The following SGIP1 variants were observed in gnomAD, a reference collection of about 807,000 sequenced individuals.
SGIP1 encodes SH3-containing GRB2-like protein 3-interacting protein 1.
In SGIP1, 38 loss-of-function variants were observed where a neutral mutation model predicts 107.5. That is an observed-to-expected ratio of 0.35 (90% CI 0.27 to 0.46). The LOEUF (loss-of-function observed/expected upper bound fraction) is 0.46. Among genes scored for constraint, SGIP1 ranks in the 20% least tolerant of loss-of-function variants. The pLI is 1.00. For synonymous variants in SGIP1, 365 were observed against 366.1 expected, an observed-to-expected ratio of 1.00 and a Z score of 0.03; for missense variants, 929 against 1,019.5, an observed-to-expected ratio of 0.91 and a Z score of 1.21.
At chr1:66,703,696 T>C (rs1324399461) in intron 18 of SGIP1, among the ~76,000 whole-genome samples, 1 of 151,136 alleles carries the variant, frequency 6.6e-6, no homozygotes, top group Non-Finnish European at 1.5e-5. Flanking sequence ...ATCACATTTA[T>C]ATATGATCTA....
rs75456901 is a variant in SGIP1, at chr1:66,688,385, C to T, written c.1316-763C>T. 9.6e-3 allele frequency among the ~76,000 whole-genome samples: 1,469 copies of T among 152,304 alleles called. 22 individuals carry two copies. The highest frequency in any genetic ancestry group is 0.034 in the African/African-American group (1,400 of 41,556). Reference sequence around the variant, plus strand: ...TGTGCTGACTGATGTGCATGCCAGCCTCTGTGTGTCTTCTGTGTTTCATAC... The same window carrying T: ...TGTGCTGACTGATGTGCATGCCAGCTTCTGTGTGTCTTCTGTGTTTCATAC... On this transcript the variant is annotated intron_variant, in intron 15 of 24. Transcript: ENST00000371037.
chr1:66,670,880 C>A, intron 9 of SGIP1, 115 bp from the exon 10 acceptor site: 1 of 485,896 alleles, frequency 2.1e-6, no homozygotes, highest in Non-Finnish European at 3.6e-6. Flanking sequence ...AGAAAAAGTT[C>A]ATTTCCCTAT....
intron 1 of SGIP1, among the ~76,000 whole-genome samples, chr1:66,616,633 G>A (rs930749115): frequency 1.3e-5 from 2 of 152,144 alleles, no homozygotes; most frequent in East Asian, 3.8e-4. Flanking sequence ...ATGGATCTTT[G>A]TACAGTTCTT....
chr1:66,643,213 G>A (rs974401608), intron 6 of SGIP1, among the ~76,000 whole-genome samples: 4 of 152,122 alleles, frequency 2.6e-5, no homozygotes, highest in Admixed American at 1.3e-4. Flanking sequence ...AAAACTCATC[G>A]AGGATCATTC....
intron 17 of SGIP1, among the ~76,000 whole-genome samples, chr1:66,693,411 T>C (rs1295964810): frequency 6.6e-6 from 1 of 152,138 alleles, no homozygotes; most frequent in Non-Finnish European, 1.5e-5. Flanking sequence ...AACAAGCACC[T>C]TGACATTTCA....
At position 66,671,026 on chromosome 1, in the gene SGIP1, A is replaced by T; in HGVS notation, c.508+7A>T. On this transcript the variant is annotated splice_region_variant and intron_variant, in intron 10 of 24. Transcript: ENST00000371037. Reference sequence around the variant, plus strand: ...ATTAAAAGGAACTTATCCAGTAAGTATATCTTAGCTACCAGAAATAGTGTA... The same window carrying T: ...ATTAAAAGGAACTTATCCAGTAAGTTTATCTTAGCTACCAGAAATAGTGTA... The T allele has an allele frequency of 7.3e-7, 1 of 1,368,658 alleles. No homozygotes were observed. Among genetic ancestry groups the T allele is most frequent in the Non-Finnish European group, 1.0e-6 (1 of 987,556 alleles). The allele number at this position is 1,368,658 out of a possible 1,614,324, so 84.8% of individuals were successfully genotyped here. A position where few individuals can be genotyped will look rare whatever the true frequency, so the allele number is the denominator to read the frequency against.
At chr1:66,557,175 G>A (rs1187518986) in intron 1 of SGIP1, among the ~76,000 whole-genome samples, 1 of 152,074 alleles carries the variant, frequency 6.6e-6, no homozygotes, top group Non-Finnish European at 1.5e-5. Context: ...ATTTTCTAGA[G>A]TAGTAATTAT....
chr1:66,641,818 A>G (rs1262707224), intron 5 of SGIP1, among the ~76,000 whole-genome samples: 2 of 152,148 alleles, frequency 1.3e-5, no homozygotes, highest in African/African-American at 4.8e-5. Flanking sequence ...TGGGAGTACC[A>G]GCACTCTCCC....
intron 7 of SGIP1, among the ~76,000 whole-genome samples, chr1:66,644,486 C>G (rs10889639): frequency 1.3e-5 from 2 of 151,850 alleles, no homozygotes; most frequent in African/African-American, 4.8e-5. Context: ...CCATTGTTTT[C>G]TAAAAATGGT....
chr1:66,559,628 C>T (rs2058655518), intron 1 of SGIP1, among the ~76,000 whole-genome samples: 2 of 152,098 alleles, frequency 1.3e-5, no homozygotes, highest in Admixed American at 6.6e-5. Context: ...ACTCTGCCAT[C>T]CTCTGCCTTC....
At chr1:66,695,022 C>CT (rs2090594643) in intron 17 of SGIP1, 2 of 314,694 alleles carry the variant, frequency 6.4e-6, no homozygotes, top group Non-Finnish European at 5.7e-6. Context: ...ATCCATAACT[C>CT]TGAGTTTATC....
chr1:66,597,233 C>G (rs1401556979), intron 1 of SGIP1, among the ~76,000 whole-genome samples: 2 of 152,150 alleles, frequency 1.3e-5, no homozygotes, highest in African/African-American at 4.8e-5. Context: ...GAAGTAGGCC[C>G]CAATGTCTAT....
chr1:66,601,532 TGAGA>T (rs753130062), intron 1 of SGIP1, among the ~76,000 whole-genome samples: 11 of 150,312 alleles, frequency 7.3e-5, no homozygotes, highest in South Asian at 2.1e-4. Context: ...TGTGTGTGTG[TGAGA>T]GAGAGAGAGA....
chr1:66,687,987 T>C (rs981048252), intron 15 of SGIP1, among the ~76,000 whole-genome samples: 3 of 152,176 alleles, frequency 2.0e-5, no homozygotes. Context: ...ATTTCTGAAA[T>C]GATAGGTTTT....
At chr1:66,640,455 G>C (rs1432069355) in intron 5 of SGIP1, among the ~76,000 whole-genome samples, 3 of 152,110 alleles carry the variant, frequency 2.0e-5, no homozygotes, top group African/African-American at 7.2e-5. Context: ...TGTGACCTCT[G>C]GGCAAAGGCC....
chr1:66,571,424 C>T (rs1031512670), intron 1 of SGIP1, among the ~76,000 whole-genome samples: 1 of 151,754 alleles, frequency 6.6e-6, no homozygotes, highest in Non-Finnish European at 1.5e-5. Context: ...TTAAATGATG[C>T]CAATAAAATA....
intron 18 of SGIP1, among the ~76,000 whole-genome samples, chr1:66,708,221 A>G (rs1251040467): frequency 2.6e-5 from 4 of 152,174 alleles, no homozygotes; most frequent in African/African-American, 9.6e-5. Flanking sequence ...TGTACCTCAG[A>G]GAGATGTTTT....
In SGIP1 at chr1:66,642,880, T is replaced by G. The variant is rs747118777; in HGVS notation, c.283+16T>G. 6.8e-4 allele frequency: 1,082 copies of G among 1,597,822 alleles called. 1 individual carries two copies. The Middle Eastern group carries it at 9.8e-3, about 15-fold the overall frequency. On this transcript the variant is annotated intron_variant, in intron 6 of 24. Transcript: ENST00000371037. ...GAACCCGGCTATATCCTTTCTTTAT[T>G]TTTTTATTTTAATTTTCATTCACTC...
chr1:66,536,248 GTATGA>G (rs747336178), intron 1 of SGIP1, among the ~76,000 whole-genome samples: 1 of 151,464 alleles, frequency 6.6e-6, no homozygotes, highest in African/African-American at 2.4e-5. Flanking sequence ...GTATGAATTA[GTATGA>G]ATTATACTAT....
Sources: allele counts gnomAD v4.1 joint callset (sites outside exome capture counted in the v4.1 genomes callset), GRCh38; gene constraint gnomAD v4.1.1; transcripts MANE v1.5; gene names NCBI Gene and HGNC (gene_info 2026-07-23, HGNC 2026-07-21).